The following KIRREL3 variants were observed in gnomAD, a reference collection of about 807,000 sequenced individuals.
KIRREL3 encodes the protein kin of IRRE-like protein 3.
KIRREL3 carries 36 observed loss-of-function variants against 89.7 expected under a neutral mutation model. The observed-to-expected ratio is 0.40, with a 90% CI of 0.31 to 0.53. The LOEUF (loss-of-function observed/expected upper bound fraction) is 0.53. Ranked by LOEUF, KIRREL3 falls within the 20% of genes least tolerant of loss-of-function variation. The pLI is 0.49. For synonymous variants in KIRREL3, 445 were observed against 441.4 expected (o/e 1.01, Z -0.10); for missense variants, 864 against 1,056.6 (o/e 0.82, Z 2.53).
At chr11:126,753,611 A>T (rs1377945053) in intron 1 of KIRREL3, among the ~76,000 whole-genome samples, 1 of 152,204 alleles carries the variant, frequency 6.6e-6, no homozygotes, top group African/African-American at 2.4e-5. Context: ...ATTTTCTTGG[A>T]CAGTGGAGAT....
At chr11:126,438,664 T>C (rs1227408203) in intron 11 of KIRREL3, among the ~76,000 whole-genome samples, 1 of 152,244 alleles carries the variant, frequency 6.6e-6, no homozygotes, top group East Asian at 1.9e-4. Context: ...GTTACATTTA[T>C]AATTAAAAAC....
In KIRREL3 at chr11:126,948,736, A is replaced by G. The variant is rs936322811; in HGVS notation, c.55+51719T>C. On this transcript the variant is annotated intron_variant, in intron 1 of 16. Transcript: ENST00000525144. The surrounding 1 kb of genome is among the most constrained non-coding windows in gnomAD (Gnocchi z 4.5). Reference sequence around the variant, plus strand: ...ATACAAGGTGACTGACGCCATCCATAGGGTAAACAAAGTGGTACAATGGTT... The same window carrying G: ...ATACAAGGTGACTGACGCCATCCATGGGGTAAACAAAGTGGTACAATGGTT... Among the ~76,000 whole-genome samples the G allele has an allele frequency of 1.3e-5, 2 of 152,208 alleles. No individual in the cohort carries two copies. Among genetic ancestry groups the G allele is most frequent in the African/African-American group, 4.8e-5 (2 of 41,452 alleles).
At chr11:126,451,329 A>T (rs28447303) in intron 7 of KIRREL3, among the ~76,000 whole-genome samples, 27 of 46,534 alleles carry the variant, frequency 5.8e-4, no homozygotes, top group African/African-American at 2.6e-3. Flanking sequence ...TGTGTGCATT[A>T]GTGAGTGTGT....
At chr11:126,801,732 A>C (rs566044185) in intron 1 of KIRREL3, among the ~76,000 whole-genome samples, 13 of 152,332 alleles carry the variant, frequency 8.5e-5, no homozygotes, top group Admixed American at 3.3e-4. Flanking sequence ...ACCAGTGGAC[A>C]GCATAGCTCC....
At position 126,424,757 on chromosome 11, in the gene KIRREL3, G is replaced by A; in HGVS notation, c.2160C>T (p.Ser720=). The A allele has an allele frequency of 6.2e-7, 1 of 1,614,062 alleles. No individual in the cohort carries two copies. The highest frequency in any genetic ancestry group is 8.5e-7 in the Non-Finnish European group (1 of 1,179,900). ...TGTCACACTGCGTGTCCAGGAAGGA[G>A]CTGCTGTCGCTGAGGGAGCCTCTCT... is the stretch of plus-strand genomic sequence containing the variant. ...EFQRGSLSDS[S]SFLDTQCDSS... The change falls in exon 17 of 17, where the codon AGC becomes AGT. Residue 720 remains serine (S), a synonymous_variant. Transcript: ENST00000525144.
rs1353585145 is a variant in KIRREL3, at chr11:126,459,746, T to G, written c.743-3292A>C. Among the ~76,000 whole-genome samples the G allele has an allele frequency of 2.0e-5, 3 of 152,138 alleles. No homozygotes were observed. In the East Asian group the frequency reaches 5.8e-4, roughly 29 times the overall value. ...TGCGTGTGTCCATGTGTGTGTGTTTTCAGGGGAAGTATTACATGGAGGAGA... is the reference window on the plus strand; with the variant it reads ...TGCGTGTGTCCATGTGTGTGTGTTTGCAGGGGAAGTATTACATGGAGGAGA... On this transcript the variant is annotated intron_variant, in intron 6 of 16. Transcript: ENST00000525144. The surrounding 1 kb of genome is among the most constrained non-coding windows in gnomAD (Gnocchi z 4.8).
At chr11:126,757,739 G>GA (rs60426762) in intron 1 of KIRREL3, among the ~76,000 whole-genome samples, 35,056 of 150,266 alleles carry the variant, frequency 0.23, 4,658 homozygotes, top group African/African-American at 0.35. Flanking sequence ...TTAAAGGCAA[G>GA]AAAAAAAAAG....
rs558261885 is a variant in KIRREL3, at chr11:126,490,545, T to C, written c.434-17079A>G. On this transcript the variant is annotated intron_variant, in intron 4 of 16. Transcript: ENST00000525144. The surrounding 1 kb of genome is among the most constrained non-coding windows in gnomAD (Gnocchi z 4.2). The stretch of plus-strand genomic sequence containing the variant: ...CAGGGATGCAGAGCTGTGTTTGTGG[T>C]GAGACCTGGGAGCGACTCCTGGACT... 6.6e-6 allele frequency among the ~76,000 whole-genome samples: 1 copy of C among 152,278 alleles called. No homozygotes were observed. The highest frequency in any genetic ancestry group is 2.4e-5 in the African/African-American group (1 of 41,538).
chr11:126,473,019 C>G (rs1202298202), intron 5 of KIRREL3, among the ~76,000 whole-genome samples: 1 of 116,116 alleles, frequency 8.6e-6, no homozygotes, highest in Non-Finnish European at 1.8e-5. Context: ...ACCAGCCCCC[C>G]ACTATCCTCC....
Position 126,657,274 on chromosome 11 carries a change from A to C in KIRREL3, c.56-94362T>G, listed in dbSNP as rs144178421. Among the ~76,000 whole-genome samples, 713 of 138,106 alleles carry C rather than the reference A, an allele frequency of 5.2e-3. 3 individuals carry two copies. The highest frequency in any genetic ancestry group is 5.9e-3 in the Non-Finnish European group (375 of 63,048). 90.6% of individuals were successfully genotyped at this position (138,106 alleles called of 152,430 possible). ...TAAATAAATAAATAAATAAATAAAT[A>C]AATAAATCTTCATGGAATCTCAAGG... On this transcript the variant is annotated intron_variant, in intron 1 of 16. Coordinates refer to ENST00000525144, the MANE Select transcript of KIRREL3 (RefSeq NM_032531.4).
intron 5 of KIRREL3, among the ~76,000 whole-genome samples, chr11:126,468,085 A>C (rs1956781581): frequency 1.3e-5 from 2 of 152,174 alleles, no homozygotes; most frequent in Non-Finnish European, 2.9e-5. Flanking sequence ...GTGCGTGCTA[A>C]GACCTTGCAA....
chr11:126,474,357 G>A lies in KIRREL3; in HGVS notation c.434-891C>T, dbSNP rs1184296714. On this transcript the variant is annotated intron_variant, in intron 4 of 16. Transcript: ENST00000525144. This position sits in a 1 kb window ranked among gnomAD's most constrained non-coding sequence, Gnocchi z 6.7. ...CCCCAATGACACAGATCCGGAAGCCGAGTTCCAGCAAGATTAGTGACTGGC... is the reference window on the plus strand; with the variant it reads ...CCCCAATGACACAGATCCGGAAGCCAAGTTCCAGCAAGATTAGTGACTGGC... 2.0e-5 allele frequency among the ~76,000 whole-genome samples: 3 copies of A among 152,208 alleles called. No homozygotes were observed. The highest frequency in any genetic ancestry group is 2.1e-4 in the South Asian group (1 of 4,822).
rs548791078 is a variant in KIRREL3 at position 126,762,035 on chromosome 11, T to C, written c.56-199123A>G. Among the ~76,000 whole-genome samples the C allele has an allele frequency of 2.7e-4, 41 of 152,002 alleles. No homozygotes were observed. The East Asian group carries it at 6.8e-3, about 25-fold the overall frequency. ...CTCTACTAAAAATACAAAAGTTAGC[T>C]GGGGATGGTGGTGTGCAACTGGCTA... On this transcript the variant is annotated intron_variant, in intron 1 of 16. Transcript: ENST00000525144.
At chr11:126,806,065 C>T (rs988640139) in intron 1 of KIRREL3, among the ~76,000 whole-genome samples, 6 of 152,216 alleles carry the variant, frequency 3.9e-5, no homozygotes, top group Admixed American at 2.0e-4. Context: ...GGCAGTTGTA[C>T]AAACATCCAG....
At chr11:126,447,914 G>A (rs1955884680) in intron 8 of KIRREL3, among the ~76,000 whole-genome samples, 1 of 152,248 alleles carries the variant, frequency 6.6e-6, no homozygotes, top group African/African-American at 2.4e-5. Flanking sequence ...AGCTAAGGAT[G>A]CTTGTTTTGA....
Position 126,563,458 on chromosome 11 carries a change from G to C in KIRREL3, c.56-546C>G, listed in dbSNP as rs1026207212. ...GCAGCGGGGCGACACAGAGGTTAAG[G>C]TATAGGCAGAAGAGCTCTCTCTACC... On this transcript the variant is annotated intron_variant, in intron 1 of 16. Coordinates refer to ENST00000525144, the MANE Select transcript of KIRREL3 (RefSeq NM_032531.4). This position sits in a 1 kb window ranked among gnomAD's most constrained non-coding sequence, Gnocchi z 6.8. 6.6e-6 allele frequency among the ~76,000 whole-genome samples: 1 copy of C among 152,178 alleles called. No individual in the cohort carries two copies. The highest frequency in any genetic ancestry group is 6.5e-5 in the Admixed American group (1 of 15,282).
At chr11:126,968,791 G>T (rs1449989705) in intron 1 of KIRREL3, among the ~76,000 whole-genome samples, 2 of 152,132 alleles carry the variant, frequency 1.3e-5, no homozygotes, top group Non-Finnish European at 2.9e-5. Context: ...GAACTCTACA[G>T]GATGGGGCTC....
Position 126,477,755 on chromosome 11 carries a change from C to T in KIRREL3, c.434-4289G>A, listed in dbSNP as rs1957106844. On this transcript the variant is annotated intron_variant, in intron 4 of 16. Transcript: ENST00000525144. The surrounding 1 kb of genome is among the most constrained non-coding windows in gnomAD (Gnocchi z 4.8). ...CCCAACTGAGACCTGGCTGGGCTTC[C>T]AGGAATTCCTCGATGCTCCATCAGC... Among the ~76,000 whole-genome samples the T allele has an allele frequency of 6.6e-6, 1 of 152,136 alleles. No individual in the cohort carries two copies. Among genetic ancestry groups the T allele is most frequent in the African/African-American group, 2.4e-5 (1 of 41,442 alleles).
Position 126,715,186 on chromosome 11 carries a change from G to C in KIRREL3, c.56-152274C>G, listed in dbSNP as rs1384234815. Among the ~76,000 whole-genome samples the C allele has an allele frequency of 6.6e-6, 1 of 152,196 alleles. No homozygotes were observed. The highest frequency in any genetic ancestry group is 1.5e-5 in the Non-Finnish European group (1 of 68,036). ...GATAATTGTTTATTTCCTCTTTCAA[G>C]GGAACTGTGTAGAGGAAGAAATCAG... On this transcript the variant is annotated intron_variant, in intron 1 of 16. Coordinates refer to ENST00000525144, the MANE Select transcript of KIRREL3 (RefSeq NM_032531.4). This position sits in a 1 kb window ranked among gnomAD's most constrained non-coding sequence, Gnocchi z 4.4.
Sources: allele counts gnomAD v4.1 joint callset (sites outside exome capture counted in the v4.1 genomes callset), GRCh38; gene constraint gnomAD v4.1.1; non-coding constraint Gnocchi (gnomAD v3.1); transcripts MANE v1.5; gene names NCBI Gene and HGNC (gene_info 2026-07-23, HGNC 2026-07-21).